Variants in CCNF observed in about 807,000 individuals in gnomAD.
The protein encoded by CCNF is cyclin-F.
A neutral mutation model predicts 85.4 loss-of-function variants in CCNF; 30 were observed. That is an observed-to-expected ratio of 0.35 (90% confidence interval 0.26 to 0.48). The LOEUF is 0.48. Among genes scored for constraint, CCNF ranks in the 20% least tolerant of loss-of-function variants. CCNF has a pLI of 0.99. For synonymous variants in CCNF, 439 were observed against 425.1 expected (o/e 1.03, Z -0.40); for missense variants, 919 against 1,010.4 (o/e 0.91, Z 1.23).
intron 8 of CCNF, among the ~76,000 whole-genome samples, chr16:2,440,342 G>A (rs1393422616): frequency 6.6e-6 from 1 of 152,188 alleles, no homozygotes; most frequent in African/African-American, 2.4e-5. Flanking sequence ...GTTAGGGCCA[G>A]GTGCGGTGGC....
Position 2,431,290 on chromosome 16 carries a change from T to C in CCNF, c.171+6T>C. On this transcript the variant is annotated splice_donor_region_variant and intron_variant, in intron 2 of 16. Transcript: ENST00000397066. The stretch of plus-strand genomic sequence containing the variant: ...ACATCCTGGCCGTCCGAGCTGTAAG[T>C]CCCTGCATGAAAACACTATGAGCCC... 1 of 1,613,704 alleles carries C rather than the reference T, an allele frequency of 6.2e-7. No homozygotes were observed.
intron 10 of CCNF, among the ~76,000 whole-genome samples, chr16:2,446,073 C>G (rs571508293): frequency 8.5e-5 from 13 of 152,308 alleles, no homozygotes; most frequent in Middle Eastern, 6.8e-3. Flanking sequence ...CCCACCTGGT[C>G]AGACATGGAG....
chr16:2,441,673 C>A (rs1432095755), intron 8 of CCNF, among the ~76,000 whole-genome samples: 1 of 151,710 alleles, frequency 6.6e-6, no homozygotes, highest in African/African-American at 2.4e-5. Context: ...CCTGCCACCA[C>A]GCCCAGCTAA....
At chr16:2,455,913 T>C (rs922270338) in intron 16 of CCNF, among the ~76,000 whole-genome samples, 2 of 152,238 alleles carry the variant, frequency 1.3e-5, no homozygotes, top group Non-Finnish European at 1.5e-5. Flanking sequence ...GTCTCATGCC[T>C]GTAATCCCAG....
chr16:2,444,486 G>C (rs1336083051), intron 9 of CCNF, among the ~76,000 whole-genome samples: 1 of 150,682 alleles, frequency 6.6e-6, no homozygotes, highest in Admixed American at 6.6e-5. Context: ...ATTTTTAGTA[G>C]AGATGGGGTT....
In CCNF at chr16:2,429,472, G is replaced by C. The variant is rs372434396; in HGVS notation, c.-10G>C. On this transcript the variant is annotated 5_prime_UTR_variant, in exon 1 of 17. Transcript: ENST00000397066. ...AGGCGGGCTCCGGCGGCAGCGACGC[G>C]AGCGCGGCGATGGGGAGCGGCGGCG... 8 of 1,227,754 alleles carry C rather than the reference G, an allele frequency of 6.5e-6. No homozygotes were observed. The highest frequency in any genetic ancestry group is 7.1e-6 in the Non-Finnish European group (7 of 985,834). 76.1% of individuals were successfully genotyped at this position (1,227,754 alleles called of 1,614,324 possible). A position where few individuals can be genotyped will look rare whatever the true frequency, so the allele number is the denominator to read the frequency against.
chr16:2,452,391 T>G lies in CCNF; in HGVS notation c.1488-819T>G, dbSNP rs562610807. Among the ~76,000 whole-genome samples the G allele has an allele frequency of 1.3e-3, 203 of 152,306 alleles. No individual in the cohort carries two copies. Among genetic ancestry groups the G allele is most frequent in the Non-Finnish European group, 2.3e-3 (157 of 68,020 alleles). ...GTGCCTTCTGGGCAAGGAACGAGGC[T>G]GACAGTAGAAGGGTTCGCATGGGTC... On this transcript the variant is annotated intron_variant, in intron 13 of 16. Transcript: ENST00000397066. This position sits in a 1 kb window ranked among gnomAD's most constrained non-coding sequence, Gnocchi z 4.1.
At chr16:2,449,197 C>G (rs752022632) in intron 11 of CCNF, 85 bp from the exon 12 acceptor site, 1 of 1,532,464 alleles carries the variant, frequency 6.5e-7, no homozygotes, top group Non-Finnish European at 9.0e-7. Flanking sequence ...ATCATCCGGG[C>G]CAGACCCTGC....
intron 4 of CCNF, 29 bp downstream of exon 4, chr16:2,435,902 C>G: frequency 6.5e-7 from 1 of 1,531,868 alleles, no homozygotes. Context: ...TGCATGTTGG[C>G]GCTTCAGATA....
intron 6 of CCNF, among the ~76,000 whole-genome samples, chr16:2,439,019 C>T (rs995253011): frequency 6.6e-6 from 1 of 151,804 alleles, no homozygotes; most frequent in Non-Finnish European, 1.5e-5. Context: ...AAAAACCAGC[C>T]AGGCACAGTG....
Position 2,439,907 on chromosome 16 carries a change from T to A in CCNF, c.777+81T>A, listed in dbSNP as rs114007390. The stretch of plus-strand genomic sequence containing the variant: ...GGGCAGGACTATCTGGGCTCCCACA[T>A]TGGGGGGCAGGACTATCTGGGCTCC... On this transcript the variant is annotated intron_variant, in intron 8 of 16. Transcript: ENST00000397066. 2,724 of 1,229,800 alleles carry A rather than the reference T, an allele frequency of 2.2e-3. 44 individuals are homozygous for A. In the African/African-American group the frequency reaches 0.035, roughly 16 times the overall value. The allele number at this position is 1,229,800 out of a possible 1,614,324, so 76.2% of individuals were successfully genotyped here.
intron 2 of CCNF, among the ~76,000 whole-genome samples, chr16:2,432,407 G>T (rs933691485): frequency 1.3e-5 from 2 of 152,092 alleles, no homozygotes; most frequent in African/African-American, 4.8e-5. Flanking sequence ...GACCCCAGGG[G>T]GTGCTGAATT....
chr16:2,433,610 C>T lies in CCNF; in HGVS notation c.278+543C>T, dbSNP rs1010572580. Among the ~76,000 whole-genome samples the T allele has an allele frequency of 6.6e-5, 10 of 152,082 alleles. No homozygotes were observed. In the East Asian group the frequency reaches 9.7e-4, roughly 15 times the overall value. On this transcript the variant is annotated intron_variant, in intron 3 of 16. Coordinates refer to ENST00000397066, the MANE Select transcript of CCNF (RefSeq NM_001761.3). ...TTTCGTTTTTGTTTTTTTCTTGAGA[C>T]GGAGTCTCGCTCTGTCACCAGGCTG...
At chr16:2,448,413 T>C (rs1445417165) in intron 10 of CCNF, among the ~76,000 whole-genome samples, 1 of 152,068 alleles carries the variant, frequency 6.6e-6, no homozygotes, top group Non-Finnish European at 1.5e-5. Flanking sequence ...ATTATTATGA[T>C]GATTATTTTT....
At chr16:2,432,773 T>C (rs1456791682) in intron 2 of CCNF, among the ~76,000 whole-genome samples, 188 bp from the exon 3 acceptor site, 2 of 152,154 alleles carry the variant, frequency 1.3e-5, no homozygotes, top group East Asian at 3.8e-4. Context: ...TCAGAGAAAC[T>C]CGTTTCTGGG....
intron 1 of CCNF, 97 bp from the exon 2 acceptor site, chr16:2,431,033 C>A: frequency 8.1e-7 from 1 of 1,239,378 alleles, no homozygotes; most frequent in Non-Finnish European, 1.2e-6. Context: ...ATTAGATCAT[C>A]TTCAGATGTA....
chr16:2,439,673 C>A, intron 7 of CCNF, 76 bp from the exon 8 acceptor site: 1 of 1,242,284 alleles, frequency 8.0e-7, no homozygotes, highest in Non-Finnish European at 1.2e-6. Context: ...AGCGTAGTGT[C>A]GGCCCTTCTG....
chr16:2,433,959 T>C (rs1352588969), intron 3 of CCNF, among the ~76,000 whole-genome samples: 4 of 152,208 alleles, frequency 2.6e-5, no homozygotes, highest in African/African-American at 9.6e-5. Flanking sequence ...CCAGGGGGAA[T>C]GTATATATTT....
chr16:2,443,090 AAT>A (rs1264394505), intron 8 of CCNF, among the ~76,000 whole-genome samples: 4 of 44,838 alleles, frequency 8.9e-5, no homozygotes, highest in African/African-American at 5.1e-4. Flanking sequence ...TATTATATAT[AAT>A]AGATATTTTT....
Sources: allele counts gnomAD v4.1 joint callset (sites outside exome capture counted in the v4.1 genomes callset), GRCh38; gene constraint gnomAD v4.1.1; non-coding constraint Gnocchi (gnomAD v3.1); transcripts MANE v1.5; gene names NCBI Gene and HGNC (gene_info 2026-07-23, HGNC 2026-07-21).